Variants in LYPD6 observed in about 807,000 individuals in gnomAD.
The protein encoded by LYPD6 is ly6/PLAUR domain-containing protein 6.
A neutral mutation model predicts 22.7 loss-of-function variants in LYPD6; 15 were observed. The observed-to-expected ratio is 0.66, with a 90% CI of 0.44 to 1.02. LYPD6 has a LOEUF of 1.02. Among genes scored for constraint, LYPD6 ranks in the 50% least tolerant of loss-of-function variants. LYPD6 has a pLI of 0.00. For synonymous variants in LYPD6, 72 were observed against 77.5 expected, an observed-to-expected ratio of 0.93 and a Z score of 0.37; for missense variants, 189 against 208.4, an observed-to-expected ratio of 0.91 and a Z score of 0.57.
chr2:149,409,225 G>C (rs1298776343), intron 1 of LYPD6, among the ~76,000 whole-genome samples: 2 of 152,224 alleles, frequency 1.3e-5, no homozygotes, highest in African/African-American at 4.8e-5. Flanking sequence ...GGCTGGTACT[G>C]TGTAGTGTCT....
chr2:149,330,278 T>A (rs1389607840), upstream of LYPD6: 2 of 151,198 alleles, frequency 1.3e-5, no homozygotes, highest in Non-Finnish European at 3.0e-5. Context: ...AGGTCCCAAA[T>A]CTCTCCAGTT....
At chr2:149,483,676 G>A in the LYPD6 span, among the ~76,000 whole-genome samples, 9 of 152,166 alleles carry the variant, frequency 5.9e-5, no homozygotes, top group Non-Finnish European at 8.8e-5. Flanking sequence ...TTAAGTGATG[G>A]ATATGGTAAG....
chr2:149,416,792 C>G (rs997519343), intron 1 of LYPD6, among the ~76,000 whole-genome samples: 1 of 152,210 alleles, frequency 6.6e-6, no homozygotes, highest in African/African-American at 2.4e-5. Flanking sequence ...TCCTGAAGGA[C>G]AGCACCACAT....
downstream of LYPD6, among the ~76,000 whole-genome samples, chr2:149,476,705 G>C (rs1422367321): frequency 6.6e-6 from 1 of 152,208 alleles, no homozygotes; most frequent in Non-Finnish European, 1.5e-5. Context: ...ATTCAGAATA[G>C]ACTTAGTGTC....
chr2:149,478,397 T>TGTGTGTGTGTGTGTGTGC (rs1180278588), downstream of LYPD6, among the ~76,000 whole-genome samples: 28 of 66,940 alleles, frequency 4.2e-4, no homozygotes, highest in African/African-American at 1.0e-3. Context: ...TGTGTGTGTG[T>TGTGTGTGTGTGTGTGTGC]GTGCGCGCAC....
At chr2:149,397,718 T>C (rs1452218278) in intron 1 of LYPD6, among the ~76,000 whole-genome samples, 3 of 152,262 alleles carry the variant, frequency 2.0e-5, no homozygotes, top group Non-Finnish European at 4.4e-5. Context: ...TGTATGAGTA[T>C]AGAAGTCTAG....
intron 1 of LYPD6, among the ~76,000 whole-genome samples, chr2:149,334,693 C>G (rs749559885): frequency 6.6e-6 from 1 of 151,234 alleles, no homozygotes; most frequent in Non-Finnish European, 1.5e-5. Flanking sequence ...AAACCAGACC[C>G]GTGTCCCTGT....
chr2:149,446,173 G>A (rs1573814635), intron 2 of LYPD6, among the ~76,000 whole-genome samples: 1 of 152,224 alleles, frequency 6.6e-6, no homozygotes, highest in Middle Eastern at 3.4e-3. Context: ...CATTTTATGT[G>A]GGTGCAGTTT....
In LYPD6 at chr2:149,375,370, G is replaced by A. The variant is rs577433560; in HGVS notation, c.-72+44648G>A. 7.2e-5 allele frequency among the ~76,000 whole-genome samples: 11 copies of A among 152,252 alleles called. No individual in the cohort carries two copies. In the South Asian group the frequency reaches 2.3e-3, roughly 32 times the overall value. ...TGGGGTGTGAGTGGGGAACACTTGA[G>A]TGAGAGGTTTCTTTTCCTCTGAAGG... On this transcript the variant is annotated intron_variant, in intron 1 of 4. Transcript: ENST00000334166.
chr2:149,464,479 A>AGTAATGAG (rs1681159345), intron 3 of LYPD6: 1 of 164,108 alleles, frequency 6.1e-6, no homozygotes, highest in African/African-American at 2.4e-5. Context: ...GAGAACCGTG[A>AGTAATGAG]GTAATGAGGG....
chr2:149,365,425 C>T (rs1029325138), intron 1 of LYPD6, among the ~76,000 whole-genome samples: 8 of 152,178 alleles, frequency 5.3e-5, no homozygotes, highest in African/African-American at 1.2e-4. Flanking sequence ...ATTTCAAGTT[C>T]AGAGTTTCCA....
At chr2:149,337,325 C>G (rs1681053391) in intron 1 of LYPD6, among the ~76,000 whole-genome samples, 1 of 152,088 alleles carries the variant, frequency 6.6e-6, no homozygotes, top group Non-Finnish European at 1.5e-5. Flanking sequence ...TCATATGATT[C>G]ACTCACGTTT....
At chr2:149,482,342 C>T in the LYPD6 span, among the ~76,000 whole-genome samples, 1 of 152,134 alleles carries the variant, frequency 6.6e-6, no homozygotes, top group South Asian at 2.1e-4. Context: ...TCTATCATAA[C>T]CAGAATGCAG....
chr2:149,370,002 A>G (rs1374404174), intron 1 of LYPD6, among the ~76,000 whole-genome samples: 1 of 151,998 alleles, frequency 6.6e-6, no homozygotes, highest in African/African-American at 2.4e-5. Context: ...AGCAGACGGG[A>G]ACGGGCCACG....
chr2:149,451,000 G>C (rs1683794125), intron 3 of LYPD6, among the ~76,000 whole-genome samples: 1 of 152,162 alleles, frequency 6.6e-6, no homozygotes, highest in South Asian at 2.1e-4. Flanking sequence ...CTGTTGCCCT[G>C]TTGGTCAGAG....
At chr2:149,422,977 A>C (rs1683112552) in intron 1 of LYPD6, among the ~76,000 whole-genome samples, 3 of 152,168 alleles carry the variant, frequency 2.0e-5, no homozygotes, top group African/African-American at 7.2e-5. Flanking sequence ...GTGCCCAATA[A>C]TCAAATAAGT....
intron 3 of LYPD6, among the ~76,000 whole-genome samples, chr2:149,466,860 C>T (rs1681211896): frequency 7.5e-6 from 1 of 133,516 alleles, no homozygotes; most frequent in Non-Finnish European, 1.5e-5. Flanking sequence ...GAAGAGGAGA[C>T]AGGAGATAAG....
Position 149,435,453 on chromosome 2 carries a change from G to A in LYPD6, c.-71-2185G>A, listed in dbSNP as rs187837682. 2.3e-3 allele frequency among the ~76,000 whole-genome samples: 347 copies of A among 152,298 alleles called. 2 individuals carry two copies. The highest frequency in any genetic ancestry group is 7.8e-3 in the African/African-American group (323 of 41,566). On this transcript the variant is annotated intron_variant, in intron 1 of 4. Transcript: ENST00000334166. ...GCTACGTACAGATTGGGAGGAGATG[G>A]GGGTATTGGCCATAGTGCTGCCAGG...
chr2:149,406,777 G>T (rs1168628205), intron 1 of LYPD6, among the ~76,000 whole-genome samples: 1 of 152,052 alleles, frequency 6.6e-6, no homozygotes, highest in Admixed American at 6.5e-5. Context: ...CTGTCATTAT[G>T]ATGTTAGCTG....
Sources: gnomAD v4.1 joint callset for allele counts (sites outside exome capture counted in the v4.1 genomes callset) on GRCh38, gnomAD v4.1.1 for gene constraint, MANE v1.5 for transcripts, NCBI Gene and HGNC (gene_info 2026-07-23, HGNC 2026-07-21) for gene names.